The following PXDNL variants were observed in gnomAD, a reference collection of about 807,000 sequenced individuals.
PXDNL encodes peroxidasin like.
PXDNL carries 145 observed loss-of-function variants against 150.8 expected under a neutral mutation model. That is an observed-to-expected ratio of 0.96 (90% confidence interval 0.84 to 1.10). The LOEUF (loss-of-function observed/expected upper bound fraction) is 1.10, where lower values mean the gene tolerates loss of function less well. Ranked by LOEUF, PXDNL falls within the 50% of genes least tolerant of loss-of-function variation. The pLI, the probability that PXDNL is intolerant of heterozygous loss-of-function variation, is 0.00. For synonymous variants in PXDNL, 757 were observed against 725.7 expected (o/e 1.04, Z -0.69); for missense variants, 2,087 against 1,873.9 (o/e 1.11, Z -2.10).
intron 21 of PXDNL, among the ~76,000 whole-genome samples, chr8:51,329,873 G>A (rs148370635): frequency 3.9e-4 from 59 of 152,270 alleles, no homozygotes; most frequent in African/African-American, 1.3e-3. Flanking sequence ...TGGAGATTGA[G>A]AAGGGCCACA....
chr8:51,588,536 T>G, intron 3 of PXDNL, among the ~76,000 whole-genome samples: 1 of 152,216 alleles, frequency 6.6e-6, no homozygotes, highest in East Asian at 1.9e-4. Context: ...AGAATACACT[T>G]GTGTATGTAA....
At chr8:51,454,543 C>A (rs146307060) in intron 9 of PXDNL, among the ~76,000 whole-genome samples, 16 of 152,268 alleles carry the variant, frequency 1.1e-4, no homozygotes, top group Admixed American at 4.6e-4. Flanking sequence ...AGGAGTTCCA[C>A]TCTTACAAAT....
At chr8:51,669,604 A>G (rs1325615971) in intron 1 of PXDNL, among the ~76,000 whole-genome samples, 1 of 152,190 alleles carries the variant, frequency 6.6e-6, no homozygotes, top group African/African-American at 2.4e-5. Flanking sequence ...GCAGGAATTT[A>G]CCACATATAT....
rs1359270243 is a variant in PXDNL at position 51,413,259 on chromosome 8, C to A, written c.1796-1G>T. ...TCGCCAGCTTGTCTACCCTGTATAG[C>A]TTTGAAAATCAATTCCATGATTAAA... On this transcript the variant is annotated splice_acceptor_variant, in intron 14 of 22. Coordinates refer to ENST00000356297, the MANE Select transcript of PXDNL (RefSeq NM_144651.5). LOFTEE classifies it high-confidence loss of function. The A allele has an allele frequency of 1.3e-6, 2 of 1,573,388 alleles. No homozygotes were observed. The highest frequency in any genetic ancestry group is 2.2e-5 in the East Asian group (1 of 44,466).
chr8:51,650,474 G>A (rs1815011030), intron 2 of PXDNL, among the ~76,000 whole-genome samples: 1 of 152,188 alleles, frequency 6.6e-6, no homozygotes, highest in Non-Finnish European at 1.5e-5. Flanking sequence ...GTAGGATAAT[G>A]AGGAAGAGAA....
intron 17 of PXDNL, among the ~76,000 whole-genome samples, chr8:51,403,961 G>T (rs1808352156): frequency 6.6e-6 from 1 of 152,164 alleles, no homozygotes; most frequent in South Asian, 2.1e-4. Flanking sequence ...TCCTTCTGGT[G>T]GGTTCGTGGT....
chr8:51,693,843 C>T (rs1220297454), intron 1 of PXDNL, among the ~76,000 whole-genome samples: 1 of 152,176 alleles, frequency 6.6e-6, no homozygotes, highest in Non-Finnish European at 1.5e-5. Flanking sequence ...GCTTTTAATA[C>T]ATAGACTATA....
chr8:51,433,402 A>T (rs1809308174), intron 12 of PXDNL, among the ~76,000 whole-genome samples: 1 of 152,026 alleles, frequency 6.6e-6, no homozygotes, highest in Non-Finnish European at 1.5e-5. Flanking sequence ...TTTTCCCTGC[A>T]TCTGTTAAAA....
chr8:51,600,454 G>T (rs59745483), intron 2 of PXDNL, among the ~76,000 whole-genome samples: 5 of 118,122 alleles, frequency 4.2e-5, no homozygotes, highest in South Asian at 2.7e-4. Flanking sequence ...TAAATTATAT[G>T]GTTTAGATAA....
At chr8:51,749,170 TC>T (rs1411191652) in intron 1 of PXDNL, among the ~76,000 whole-genome samples, 3 of 152,228 alleles carry the variant, frequency 2.0e-5, no homozygotes, top group African/African-American at 7.2e-5. Flanking sequence ...TATAATTACT[TC>T]AAGGAATGTC....
At chr8:51,766,743 TAA>T (rs397973706) in intron 1 of PXDNL, among the ~76,000 whole-genome samples, 11 of 151,362 alleles carry the variant, frequency 7.3e-5, no homozygotes, top group South Asian at 2.1e-4. Flanking sequence ...ATCTTTTTTT[TAA>T]AAAAAAAAGA....
chr8:51,561,679 G>C (rs1013271725), intron 3 of PXDNL, among the ~76,000 whole-genome samples: 1 of 151,838 alleles, frequency 6.6e-6, no homozygotes, highest in South Asian at 2.1e-4. Context: ...TAGTAAACTC[G>C]TGGTGACAGA....
Position 51,717,749 on chromosome 8 carries a change from C to T in PXDNL, c.165-62989G>A, listed in dbSNP as rs146544879. On this transcript the variant is annotated intron_variant, in intron 1 of 22. Transcript: ENST00000356297. ...GCCAGGATAGGCCTCATTGGCCCAACCTTTCTGGCCTCTGCAGCAGCAGGA... is the reference window on the plus strand; with the variant it reads ...GCCAGGATAGGCCTCATTGGCCCAATCTTTCTGGCCTCTGCAGCAGCAGGA... Among the ~76,000 whole-genome samples, 24 of 152,296 alleles carry T rather than the reference C, an allele frequency of 1.6e-4. No individual in the cohort carries two copies. In the East Asian group the frequency reaches 3.9e-3, roughly 25 times the overall value.
chr8:51,434,346 C>G (rs189263700), intron 12 of PXDNL, among the ~76,000 whole-genome samples: 1 of 152,144 alleles, frequency 6.6e-6, no homozygotes, highest in Non-Finnish European at 1.5e-5. Context: ...TAGAGGTATC[C>G]CCTGACCTCT....
At chr8:51,329,759 C>A (rs1805626460) in intron 21 of PXDNL, among the ~76,000 whole-genome samples, 1 of 152,116 alleles carries the variant, frequency 6.6e-6, no homozygotes, top group Non-Finnish European at 1.5e-5. Context: ...CCTTCGATGG[C>A]TTCATCAGTA....
At chr8:51,356,497 T>TAAA (rs11412665) in intron 19 of PXDNL, among the ~76,000 whole-genome samples, 1 of 134,688 alleles carries the variant, frequency 7.4e-6, no homozygotes, top group African/African-American at 2.8e-5. Context: ...AAAAAAAGAA[T>TAAA]AAAAAAAAAA....
At chr8:51,450,806 A>T (rs1809790147) in intron 10 of PXDNL, among the ~76,000 whole-genome samples, 1 of 152,166 alleles carries the variant, frequency 6.6e-6, no homozygotes, top group South Asian at 2.1e-4. Context: ...CAGATGAGAA[A>T]ATTCAGACTC....
At chr8:51,374,201 G>C (rs1335198199) in intron 18 of PXDNL, among the ~76,000 whole-genome samples, 1 of 152,162 alleles carries the variant, frequency 6.6e-6, no homozygotes, top group African/African-American at 2.4e-5. Flanking sequence ...ATCATTGAAG[G>C]CTGCAGACGT....
chr8:51,374,523 A>C, intron 18 of PXDNL, 74 bp downstream of exon 18: 1 of 1,439,836 alleles, frequency 6.9e-7, no homozygotes, highest in Non-Finnish European at 9.6e-7. Context: ...TATGAATCAC[A>C]ATGTTAAACA....
Sources: allele counts gnomAD v4.1 joint callset (sites outside exome capture counted in the v4.1 genomes callset), GRCh38; gene constraint gnomAD v4.1.1; transcripts MANE v1.5; gene names NCBI Gene and HGNC (gene_info 2026-07-23, HGNC 2026-07-21).